AIG1: variants seen among roughly 807,000 people sequenced by gnomAD.
AIG1 encodes the protein androgen induced 1, also known as androgen-induced gene 1 protein.
A neutral mutation model predicts 31.4 loss-of-function variants in AIG1; 23 were observed. The observed-to-expected ratio is 0.73, with a 90% confidence interval of 0.53 to 1.04. AIG1 has a LOEUF of 1.04. Among genes scored for constraint, AIG1 ranks in the 50% least tolerant of loss-of-function variants. AIG1 has a pLI of 0.00. For missense variants in AIG1, 274 were observed against 295.0 expected (o/e 0.93, Z 0.52); for synonymous variants, 100 against 110.5 (o/e 0.90, Z 0.60).
At chr6:143,211,440 G>C (rs945854033) in intron 3 of AIG1, among the ~76,000 whole-genome samples, 8 of 152,160 alleles carry the variant, frequency 5.3e-5, no homozygotes, top group Admixed American at 4.6e-4. Context: ...TAACCCATTT[G>C]CAGGAACCAC....
Position 143,197,737 on chromosome 6 carries a change from C to A in AIG1, c.399+32554C>A, listed in dbSNP as rs150845905. ...TAGATCCTTGAATAATTGGGTAGAA[C>A]AGAGCCTCACTGTAGGTCAGGAACA... On this transcript the variant is annotated intron_variant, in intron 3 of 5. Coordinates refer to ENST00000357847, the MANE Select transcript of AIG1 (RefSeq NM_016108.4). Among the ~76,000 whole-genome samples the A allele has an allele frequency of 3.8e-3, 586 of 152,258 alleles. 18 individuals are homozygous for A. Among genetic ancestry groups the A allele is most frequent in the Admixed American group, 0.035 (540 of 15,290 alleles).
At chr6:143,289,270 G>C (rs1583751954) in intron 4 of AIG1, among the ~76,000 whole-genome samples, 1 of 152,198 alleles carries the variant, frequency 6.6e-6, no homozygotes, top group Admixed American at 6.5e-5. Context: ...ATTTCCTTCA[G>C]GACCTCCTAT....
intron 3 of AIG1, among the ~76,000 whole-genome samples, chr6:143,165,749 C>A (rs1341284469): frequency 6.6e-6 from 1 of 151,960 alleles, no homozygotes; most frequent in Non-Finnish European, 1.5e-5. Flanking sequence ...GGCTTTGAGG[C>A]CTTTTCCTTC....
chr6:143,060,599 C>T (rs1194154471), upstream of AIG1: 3 of 446,060 alleles, frequency 6.7e-6, no homozygotes, highest in Admixed American at 2.5e-5. Context: ...GCCTAGGGGG[C>T]GCCTCCTGGC....
At chr6:143,241,275 A>G (rs1254518429) in intron 3 of AIG1, among the ~76,000 whole-genome samples, 2 of 152,234 alleles carry the variant, frequency 1.3e-5, no homozygotes, top group Admixed American at 6.5e-5. Context: ...GCGAACAACT[A>G]TTCCAAACCC....
chr6:143,227,575 C>G (rs1793091067), intron 3 of AIG1, among the ~76,000 whole-genome samples: 1 of 152,064 alleles, frequency 6.6e-6, no homozygotes, highest in South Asian at 2.1e-4. Flanking sequence ...ATTCCAATAA[C>G]CTTGCAGAGT....
chr6:143,216,324 A>G (rs1002421557), intron 3 of AIG1, among the ~76,000 whole-genome samples: 4 of 152,182 alleles, frequency 2.6e-5, no homozygotes, highest in Non-Finnish European at 4.4e-5. Flanking sequence ...AGTTTGGAGG[A>G]TTCCAGCAGA....
chr6:143,103,795 T>G (rs1445534356), intron 1 of AIG1, among the ~76,000 whole-genome samples: 3 of 152,186 alleles, frequency 2.0e-5, no homozygotes, highest in Non-Finnish European at 4.4e-5. Context: ...TTTTCTAAAA[T>G]GAGCTACTGA....
At chr6:143,154,488 G>A (rs1379168643) in intron 2 of AIG1, among the ~76,000 whole-genome samples, 12 of 152,038 alleles carry the variant, frequency 7.9e-5, no homozygotes, top group South Asian at 2.1e-4. Context: ...CTCCCTGGGC[G>A]ATAGAGTGAG....
chr6:143,099,903 C>T (rs1452946300), intron 1 of AIG1, among the ~76,000 whole-genome samples: 3 of 152,154 alleles, frequency 2.0e-5, no homozygotes, highest in Non-Finnish European at 4.4e-5. Context: ...ATTTCACCTG[C>T]TTTGTTGTTT....
intron 1 of AIG1, among the ~76,000 whole-genome samples, chr6:143,081,903 G>A (rs1466175909): frequency 6.6e-6 from 1 of 152,058 alleles, no homozygotes. Context: ...GGAGAGTCCT[G>A]CCTTGTGGCT....
At chr6:143,314,351 AAGAAAGAG>A (rs1775558710) in intron 4 of AIG1, among the ~76,000 whole-genome samples, 1 of 151,900 alleles carries the variant, frequency 6.6e-6, no homozygotes, top group Non-Finnish European at 1.5e-5. Context: ...GAGATCCTGT[AAGAAAGAG>A]AGAAAGAGAG....
intron 1 of AIG1, among the ~76,000 whole-genome samples, chr6:143,095,023 A>G (rs1779626293): frequency 1.3e-5 from 2 of 152,182 alleles, no homozygotes; most frequent in Admixed American, 1.3e-4. Flanking sequence ...GCAAGACTCT[A>G]AAAATGCAAT....
intron 3 of AIG1, chr6:143,189,365 A>T: frequency 1.0e-6 from 1 of 970,098 alleles, no homozygotes; most frequent in Non-Finnish European, 1.2e-6. Flanking sequence ...TACATGCATG[A>T]GCTACCACAC....
chr6:143,073,046 C>G (rs187904114), intron 1 of AIG1, among the ~76,000 whole-genome samples: 59 of 152,326 alleles, frequency 3.9e-4, no homozygotes, highest in Admixed American at 2.4e-3. Context: ...CTTCCCACTC[C>G]CGTGCCTGGT....
intron 3 of AIG1, among the ~76,000 whole-genome samples, chr6:143,272,407 C>A (rs987330247): frequency 2.2e-4 from 34 of 152,290 alleles, no homozygotes; most frequent in Middle Eastern, 3.4e-3. Flanking sequence ...CAGAACCCTT[C>A]CATCTATGAT....
intron 3 of AIG1, among the ~76,000 whole-genome samples, chr6:143,260,739 T>A (rs1795715585): frequency 1.3e-5 from 2 of 152,198 alleles, no homozygotes; most frequent in East Asian, 3.9e-4. Context: ...GAATTGAGGC[T>A]TAAATAAGTT....
intron 3 of AIG1, among the ~76,000 whole-genome samples, chr6:143,260,945 C>G (rs76406474): frequency 0.053 from 8,124 of 152,124 alleles, 425 homozygotes; most frequent in Admixed American, 0.17. Context: ...AATTAACAAA[C>G]AAAAAGAATG....
At chr6:143,060,278 C>T (rs1344219626), upstream of AIG1, among the ~76,000 whole-genome samples, 2 of 152,176 alleles carry the variant, frequency 1.3e-5, no homozygotes, top group Non-Finnish European at 2.9e-5. Context: ...ACACTGAAAA[C>T]CTTATTGCCC....
Sources: gnomAD v4.1 joint callset for allele counts (sites outside exome capture counted in the v4.1 genomes callset) on GRCh38, gnomAD v4.1.1 for gene constraint, MANE v1.5 for transcripts, NCBI Gene and HGNC (gene_info 2026-07-23, HGNC 2026-07-21) for gene names.